The following LDB2 variants were observed in gnomAD, a reference collection of about 807,000 sequenced individuals.
LDB2 encodes LIM domain-binding protein 2.
LDB2 carries 12 observed loss-of-function variants against 44.3 expected under a neutral mutation model. The ratio of observed to expected loss-of-function variants is 0.27; its 90% CI spans 0.17 to 0.44. The LOEUF (loss-of-function observed/expected upper bound fraction) is 0.44. LDB2 is among the 20% of genes least tolerant of loss of function. The pLI is 1.00. For synonymous variants in LDB2, 164 were observed against 174.8 expected, an observed-to-expected ratio of 0.94 and a Z score of 0.49; for missense variants, 344 against 473.5, an observed-to-expected ratio of 0.73 and a Z score of 2.54.
At chr4:16,820,909 C>A (rs1020772944) in intron 1 of LDB2, among the ~76,000 whole-genome samples, 3 of 152,108 alleles carry the variant, frequency 2.0e-5, no homozygotes, top group African/African-American at 4.8e-5. Flanking sequence ...TTTCCCCCAC[C>A]GCTCCCCAAA....
intron 2 of LDB2, among the ~76,000 whole-genome samples, chr4:16,670,578 A>G (rs1560824736): frequency 6.6e-6 from 1 of 152,254 alleles, no homozygotes; most frequent in Non-Finnish European, 1.5e-5. Flanking sequence ...AAATAAAAAC[A>G]GAGTCAATTC....
intron 1 of LDB2, among the ~76,000 whole-genome samples, chr4:16,789,348 G>A (rs985363669): frequency 2.0e-5 from 3 of 152,170 alleles, no homozygotes; most frequent in Non-Finnish European, 4.4e-5. Flanking sequence ...AGGAGATGGA[G>A]GAAAATGCAG....
chr4:16,797,907 C>T (rs1242917773), intron 1 of LDB2, among the ~76,000 whole-genome samples: 1 of 151,820 alleles, frequency 6.6e-6, no homozygotes, highest in Non-Finnish European at 1.5e-5. Context: ...TGGTGACATC[C>T]ACCTGTAGCC....
intron 1 of LDB2, among the ~76,000 whole-genome samples, chr4:16,839,310 G>A (rs919596652): frequency 6.6e-6 from 1 of 152,188 alleles, no homozygotes; most frequent in Non-Finnish European, 1.5e-5. Flanking sequence ...GCCGATGTGT[G>A]CAGAGATCAC....
chr4:16,763,094 C>G (rs1361729886), intron 1 of LDB2, among the ~76,000 whole-genome samples: 1 of 151,342 alleles, frequency 6.6e-6, no homozygotes, highest in Non-Finnish European at 1.5e-5. Flanking sequence ...CACACACACA[C>G]ACACACACAC....
intron 1 of LDB2, among the ~76,000 whole-genome samples, chr4:16,857,450 C>T (rs915707992): frequency 1.3e-5 from 2 of 152,200 alleles, no homozygotes; most frequent in African/African-American, 4.8e-5. Flanking sequence ...GTGAGCATTA[C>T]ACAAAGTTTA....
intron 1 of LDB2, among the ~76,000 whole-genome samples, chr4:16,836,155 A>T (rs780163048): frequency 6.6e-6 from 1 of 152,246 alleles, no homozygotes; most frequent in Non-Finnish European, 1.5e-5. Context: ...GACTGTATGT[A>T]TAAGTGTATC....
At chr4:16,658,835 T>C (rs1740662282) in intron 2 of LDB2, among the ~76,000 whole-genome samples, 2 of 152,188 alleles carry the variant, frequency 1.3e-5, no homozygotes, top group Admixed American at 6.5e-5. Flanking sequence ...TAGCTCCGTT[T>C]ACAGAGGAGG....
chr4:16,713,676 A>C (rs1756421175), intron 2 of LDB2, among the ~76,000 whole-genome samples: 3 of 152,162 alleles, frequency 2.0e-5, no homozygotes, highest in Admixed American at 2.0e-4. Context: ...GAGGTTAAGA[A>C]ATTTTCTGAA....
At chr4:16,670,113 T>C (rs186041075) in intron 2 of LDB2, among the ~76,000 whole-genome samples, 9 of 152,306 alleles carry the variant, frequency 5.9e-5, no homozygotes, top group East Asian at 1.9e-4. Flanking sequence ...ATCTAAATCA[T>C]TGATGAAGAG....
chr4:16,822,253 C>T (rs1338810900), intron 1 of LDB2, among the ~76,000 whole-genome samples: 1 of 152,040 alleles, frequency 6.6e-6, no homozygotes, highest in East Asian at 1.9e-4. Context: ...TATAAAATGG[C>T]CTGGTAGTAG....
intron 2 of LDB2, among the ~76,000 whole-genome samples, chr4:16,681,310 T>C (rs1029994104): frequency 1.3e-5 from 2 of 152,160 alleles, no homozygotes; most frequent in African/African-American, 4.8e-5. Context: ...CAGCAAGAAA[T>C]TGGGGATTTA....
Position 16,588,758 on chromosome 4 carries a change from G to A in LDB2, c.483C>T (p.Thr161=), listed in dbSNP as rs1342091551. The A allele has an allele frequency of 6.2e-7, 1 of 1,613,744 alleles. No homozygotes were observed. The highest frequency in any genetic ancestry group is 1.7e-5 in the Admixed American group (1 of 60,012). Residue 161 remains threonine (T), a synonymous_variant, in exon 4 of 8, where the codon ACC becomes ACT. Coordinates refer to ENST00000304523, the MANE Select transcript of LDB2 (RefSeq NM_001290.5). ...DLMRIKTWHF[T]IRQYRELVPR... is the part of the protein sequence containing the mutation. ...GGACTAACTCTCGGTATTGTCTAAT[G>A]GTAAAGTGCCATGTTTTGATTCTCA...
At chr4:16,827,166 A>T (rs1783202043) in intron 1 of LDB2, among the ~76,000 whole-genome samples, 1 of 152,184 alleles carries the variant, frequency 6.6e-6, no homozygotes, top group African/African-American at 2.4e-5. Context: ...CCAGATCACA[A>T]GTTGCGCTTC....
intron 7 of LDB2, chr4:16,506,077 G>A: frequency 7.5e-7 from 1 of 1,338,796 alleles, no homozygotes; most frequent in Non-Finnish European, 1.0e-6. Flanking sequence ...GACCACAGCT[G>A]TGGTCATAGT....
At chr4:16,704,113 A>T (rs997991139) in intron 2 of LDB2, among the ~76,000 whole-genome samples, 1 of 152,180 alleles carries the variant, frequency 6.6e-6, no homozygotes, top group Admixed American at 6.5e-5. Flanking sequence ...AAAGGCACTC[A>T]TTCATTCTAG....
rs189366135 is a variant in LDB2, at chr4:16,885,891, C to A, written c.132+12463G>T. On this transcript the variant is annotated intron_variant, in intron 1 of 7. Coordinates refer to ENST00000304523, the MANE Select transcript of LDB2 (RefSeq NM_001290.5). ...GTCATCATAGTTAACTCCTTCATACCAGTAATCTTCTACCGCAATGGGAGA... is the reference window on the plus strand; with the variant it reads ...GTCATCATAGTTAACTCCTTCATACAAGTAATCTTCTACCGCAATGGGAGA... 2.8e-4 allele frequency among the ~76,000 whole-genome samples: 43 copies of A among 152,158 alleles called. 1 individual carries two copies. In the East Asian group the frequency reaches 8.1e-3, roughly 29 times the overall value.
chr4:16,552,002 A>G (rs1737851793), intron 5 of LDB2, among the ~76,000 whole-genome samples: 1 of 151,668 alleles, frequency 6.6e-6, no homozygotes, highest in South Asian at 2.1e-4. Flanking sequence ...CATTCTTCCA[A>G]CTATCCAACA....
At chr4:16,769,603 A>ATTTTTT (rs58284488) in intron 1 of LDB2, among the ~76,000 whole-genome samples, 1 of 137,008 alleles carries the variant, frequency 7.3e-6, no homozygotes. Flanking sequence ...GCCCTATGGG[A>ATTTTTT]TTTTTTTTTT....
Sources: gnomAD v4.1 joint callset for allele counts (sites outside exome capture counted in the v4.1 genomes callset) on GRCh38, gnomAD v4.1.1 for gene constraint, MANE v1.5 for transcripts, NCBI Gene and HGNC (gene_info 2026-07-23, HGNC 2026-07-21) for gene names.